Variants in PTH observed in about 807,000 individuals in gnomAD.
The protein encoded by PTH is parathyroid hormone.
A neutral mutation model predicts 7.4 loss-of-function variants in PTH; 7 were observed. The ratio of observed to expected loss-of-function variants is 0.94; its 90% CI spans 0.53 to 1.77. PTH has a LOEUF of 1.77. Among genes scored for constraint, PTH ranks in the 40% most tolerant of loss-of-function variants. The pLI, the probability that PTH is intolerant of heterozygous loss-of-function variation, is 0.00. For missense variants in PTH, 128 were observed against 137.1 expected (o/e 0.93, Z 0.33); for synonymous variants, 51 against 46.6 (o/e 1.09, Z -0.39).
rs377308600 is a variant in PTH, at chr11:13,492,787, C to T, written c.69G>A (p.Ser23=). The change falls in exon 2 of 3, where the codon TCG becomes TCA. Residue 23 remains serine (S), a synonymous_variant. Coordinates refer to ENST00000282091, the MANE Select transcript of PTH (RefSeq NM_000315.4). ...GTACTTACTTAACAGATTTCCCATC[C>T]GATTTTGTAAGAAAACAAATTGCCA... The part of the protein sequence containing the change: ...VMLAICFLTK[S]DGKSVKKRSV... The T allele has an allele frequency of 1.5e-5, 24 of 1,613,778 alleles. No homozygotes were observed. The East Asian group carries it at 1.8e-4, about 12-fold the overall frequency.
Position 13,492,747 on chromosome 11 carries a change from T to A in PTH, c.86+23A>T. On this transcript the variant is annotated intron_variant, in intron 2 of 2. Transcript: ENST00000282091. ...GATAAAGTCAACATTAAAAATCCAA[T>A]TCCAAGGCAAAACAGTACTTACTTA... 1.9e-6 allele frequency: 3 copies of A among 1,613,956 alleles called. No individual in the cohort carries two copies. The South Asian group carries it at 3.3e-5, about 18-fold the overall frequency.
intron 2 of PTH, 42 bp from the exon 3 acceptor site, chr11:13,492,708 C>T (rs1847490488): frequency 1.2e-6 from 2 of 1,613,954 alleles, no homozygotes; most frequent in East Asian, 4.5e-5. Flanking sequence ...CCCATTAGCT[C>T]CCCACTTCGA....
chr11:13,492,911 A>G, intron 1 of PTH, 51 bp from the exon 2 acceptor site: 1 of 1,487,076 alleles, frequency 6.7e-7, no homozygotes, highest in South Asian at 1.2e-5. Context: ...TAATATTCCA[A>G]ACTATAGTAC....
In PTH at chr11:13,492,348, A is replaced by C; in HGVS notation, c.*57T>G. The C allele has an allele frequency of 3.1e-6, 5 of 1,593,748 alleles. No individual in the cohort carries two copies. Among genetic ancestry groups the C allele is most frequent in the Non-Finnish European group, 4.3e-6 (5 of 1,172,914 alleles). On this transcript the variant is annotated 3_prime_UTR_variant, in exon 3 of 3. Transcript: ENST00000282091. ...CTTAATAGAGCTTTGAATTAGCAGC[A>C]TGTATTGTTGCCCTACACTGTCTAG...
At chr11:13,494,393 G>A (rs1847514367) in intron 1 of PTH, among the ~76,000 whole-genome samples, 1 of 152,042 alleles carries the variant, frequency 6.6e-6, no homozygotes, top group Non-Finnish European at 1.5e-5. Context: ...TCTGTGATAA[G>A]CAATGCCTCT....
chr11:13,493,110 TTTA>T (rs1302525295), intron 1 of PTH, among the ~76,000 whole-genome samples: 13 of 150,204 alleles, frequency 8.7e-5, no homozygotes, highest in Non-Finnish European at 1.3e-4. Context: ...TTTATTTATT[TTTA>T]TTTATTTTTT....
Position 13,492,543 on chromosome 11 carries a change from A to G in PTH, c.210T>C (p.Ala70=). ...AACCAGCATCTCTGGGAGCTAGAGG[A>G]GCTCCAAGGGCAACAAAATTGTGCA... ...QDVHNFVALG[A]PLAPRDAGSQ... Residue 70 remains alanine, a synonymous_variant, in exon 3 of 3, where the codon GCT becomes GCC. Coordinates refer to ENST00000282091, the MANE Select transcript of PTH (RefSeq NM_000315.4). 6.2e-7 allele frequency: 1 copy of G among 1,614,038 alleles called. No individual in the cohort carries two copies. The highest frequency in any genetic ancestry group is 8.5e-7 in the Non-Finnish European group (1 of 1,180,008).
Position 13,492,595 on chromosome 11 carries a change from TCTA to T in PTH, c.155_157del (p.Val52del). 3 of 1,614,198 alleles carry T rather than the reference TCTA, an allele frequency of 1.9e-6. No individual in the cohort carries two copies. Among genetic ancestry groups the T allele is most frequent in the South Asian group, 2.2e-5 (2 of 91,078 alleles). ...ATCCTGCAGCTTCTTACGCAGCCAT[TCTA>T]CTCTCTCCATCGAGTTCAGATGTTT... On this transcript the variant is annotated inframe_deletion, in exon 3 of 3. Coordinates refer to ENST00000282091, the MANE Select transcript of PTH (RefSeq NM_000315.4).
At position 13,492,427 on chromosome 11, in the gene PTH, A is replaced by T; in HGVS notation, c.326T>A (p.Leu109Ter). ...TTTTCACTGGGATTTAGCTTTAGTT[A>T]ATACATTCACATCAGCTTTGTCTGC... is the stretch of plus-strand genomic sequence containing the variant. The part of the protein sequence containing the change: ...GEADKADVNV[L>*]TKAKSQ Residue 109 changes from leucine to a stop codon, truncating the protein, a stop_gained, in exon 3 of 3, where the codon TTA becomes TAA. Transcript: ENST00000282091. LOFTEE classifies it high-confidence loss of function. 6.2e-7 allele frequency: 1 copy of T among 1,613,730 alleles called. No homozygotes were observed. The highest frequency in any genetic ancestry group is 8.5e-7 in the Non-Finnish European group (1 of 1,180,016).
At chr11:13,493,967 T>A (rs751157947) in intron 1 of PTH, among the ~76,000 whole-genome samples, 15 of 152,216 alleles carry the variant, frequency 9.9e-5, no homozygotes, top group Non-Finnish European at 2.2e-4. Context: ...TCCTTGTCAT[T>A]TATCAATTGT....
At chr11:13,494,013 C>T (rs1025116501) in intron 1 of PTH, among the ~76,000 whole-genome samples, 1 of 152,104 alleles carries the variant, frequency 6.6e-6, no homozygotes, top group Admixed American at 6.6e-5. Flanking sequence ...TCCTCATTCA[C>T]TCATCTATAA....
intron 1 of PTH, among the ~76,000 whole-genome samples, chr11:13,493,471 C>T (rs1847502899): frequency 6.6e-6 from 1 of 152,176 alleles, no homozygotes; most frequent in African/African-American, 2.4e-5. Flanking sequence ...AACTATTTAG[C>T]ACAATGACTG....
rs190896106 is a variant in PTH, at chr11:13,492,106, T to C, written c.*299A>G. ...ACTTATGATCATTACATTTTTGTTTTACATTTTAAGGTAGAAGAGAGGTTT... is the reference window on the plus strand; with the variant it reads ...ACTTATGATCATTACATTTTTGTTTCACATTTTAAGGTAGAAGAGAGGTTT... On this transcript the variant is annotated 3_prime_UTR_variant, in exon 3 of 3. Transcript: ENST00000282091. 15 of 326,968 alleles carry C rather than the reference T, an allele frequency of 4.6e-5. No homozygotes were observed. Among genetic ancestry groups the C allele is most frequent in the African/African-American group, 3.2e-4 (15 of 46,672 alleles). 20.3% of individuals were successfully genotyped at this position (326,968 alleles called of 1,614,324 possible).
At chr11:13,492,937 A>C in intron 1 of PTH, 77 bp from the exon 2 acceptor site, 1 of 1,327,880 alleles carries the variant, frequency 7.5e-7, no homozygotes, top group Non-Finnish European at 1.1e-6. Context: ...ATGCAATACT[A>C]ACTAATTGGG....
At chr11:13,494,845 A>G (rs1342758417) in intron 1 of PTH, among the ~76,000 whole-genome samples, 3 of 152,162 alleles carry the variant, frequency 2.0e-5, no homozygotes, top group African/African-American at 7.2e-5. Context: ...ACTGCATTTT[A>G]TGTTGATTAT....
At chr11:13,494,835 A>C (rs1847520909) in intron 1 of PTH, among the ~76,000 whole-genome samples, 1 of 152,136 alleles carries the variant, frequency 6.6e-6, no homozygotes, top group South Asian at 2.1e-4. Flanking sequence ...ATCCCCCCGC[A>C]CTGCATTTTA....
In PTH at chr11:13,492,478, T is replaced by C; in HGVS notation, c.275A>G (p.Glu92Gly). Residue 92 changes from glutamate to glycine, a missense_variant, in exon 3 of 3, where the codon GAG becomes GGG. Physicochemically the swap from Glu to Gly is moderately conservative, Grantham distance 98 (BLOSUM62 -2). Transcript: ENST00000282091. The stretch of plus-strand genomic sequence containing the variant: ...CTCTCCAAGACTTTTTTCATGGCTC[T>C]CAACCAAGACATTGTCTTCCTTTTT... ...PRKKEDNVLV[E>G]SHEKSLGEAD... 1 of 1,614,162 alleles carries C rather than the reference T, an allele frequency of 6.2e-7. No individual in the cohort carries two copies. The highest frequency in any genetic ancestry group is 8.5e-7 in the Non-Finnish European group (1 of 1,180,018).
rs923216818 is a variant in PTH, at chr11:13,492,617, G to T, written c.136C>A (p.Leu46Met). Residue 46 changes from leucine (L) to methionine (M), a missense_variant, in exon 3 of 3, where the codon CTG becomes ATG. Leu to Met is a conservative substitution (Grantham distance 15). Transcript: ENST00000282091. ...IQLMHNLGKHLNSMERVEWLR... is the reference protein window; with the variant it reads ...IQLMHNLGKHMNSMERVEWLR... ...CATTCTACTCTCTCCATCGAGTTCA[G>T]ATGTTTTCCCAGGTTATGCATAAGC... is the stretch of plus-strand genomic sequence containing the variant. 1 of 1,614,140 alleles carries T rather than the reference G, an allele frequency of 6.2e-7. No individual in the cohort carries two copies.
rs138770690 is a variant in PTH, at chr11:13,494,298, C to T, written c.-5-1438G>A. Among the ~76,000 whole-genome samples, 295 of 152,264 alleles carry T rather than the reference C, an allele frequency of 1.9e-3. 1 individual carries two copies. Among genetic ancestry groups the T allele is most frequent in the African/African-American group, 6.7e-3 (280 of 41,562 alleles). ...CTAACAGCTCAGGATGGCCCTGTTA[C>T]ACTACTGCCAGCCCTGGTGACTCGC... On this transcript the variant is annotated intron_variant, in intron 1 of 2. Coordinates refer to ENST00000282091, the MANE Select transcript of PTH (RefSeq NM_000315.4).
Sources: gnomAD v4.1 joint callset for allele counts (sites outside exome capture counted in the v4.1 genomes callset) on GRCh38, gnomAD v4.1.1 for gene constraint, MANE v1.5 for transcripts, NCBI Gene and HGNC (gene_info 2026-07-23, HGNC 2026-07-21) for gene names.